The following ASIC2 variants were observed in gnomAD, a reference collection of about 807,000 sequenced individuals.
ASIC2 encodes acid-sensing ion channel 2.
ASIC2 carries 25 observed loss-of-function variants against 57.3 expected under a neutral mutation model. That is an observed-to-expected ratio of 0.44 (90% CI 0.32 to 0.61). The LOEUF (loss-of-function observed/expected upper bound fraction) is 0.61. ASIC2 is among the 20% of genes least tolerant of loss of function. The pLI, the probability that ASIC2 is intolerant of heterozygous loss-of-function variation, is 0.06. For missense variants in ASIC2, 641 were observed against 738.1 expected (o/e 0.87, Z 1.52); for synonymous variants, 319 against 307.5 (o/e 1.04, Z -0.39).
intron 7 of ASIC2, among the ~76,000 whole-genome samples, chr17:33,019,794 T>C (rs1035809550): frequency 2.0e-5 from 2 of 97,912 alleles, no homozygotes; most frequent in Non-Finnish European, 4.0e-5. Flanking sequence ...TTGCTCTGTA[T>C]GTCTCTCTCT....
At chr17:33,652,687 G>A (rs1001084141) in intron 1 of ASIC2, among the ~76,000 whole-genome samples, 1 of 152,170 alleles carries the variant, frequency 6.6e-6, no homozygotes, top group Non-Finnish European at 1.5e-5. Context: ...CCTCAACTCC[G>A]TTGCTGATCC....
In ASIC2 at chr17:33,145,933, C is replaced by T. The variant is rs373638338; in HGVS notation, c.709-33866G>A. Among the ~76,000 whole-genome samples the T allele has an allele frequency of 7.4e-4, 112 of 152,326 alleles. 4 individuals are homozygous for T. The East Asian group carries it at 8.1e-3, about 11-fold the overall frequency. On this transcript the variant is annotated intron_variant, in intron 1 of 9. Transcript: ENST00000225823. ...GCTTAGTGGAGCTCCCTCACCCTCCCGCCACAGCCGACCCAGAGACATGGC... is the reference window on the plus strand; with the variant it reads ...GCTTAGTGGAGCTCCCTCACCCTCCTGCCACAGCCGACCCAGAGACATGGC...
intron 9 of ASIC2, among the ~76,000 whole-genome samples, chr17:33,015,497 C>G (rs879877674): frequency 1.1e-4 from 16 of 152,178 alleles, no homozygotes; most frequent in African/African-American, 3.9e-4. Context: ...CTGACACGTA[C>G]CAGGCATACA....
chr17:33,584,339 C>T (rs1428905640), intron 1 of ASIC2, among the ~76,000 whole-genome samples: 2 of 152,130 alleles, frequency 1.3e-5, no homozygotes, highest in Non-Finnish European at 2.9e-5. Flanking sequence ...GAGTCTGAGT[C>T]TAGTTCTCTT....
chr17:33,940,548 T>TTTCCTTCC lies in ASIC2; in HGVS notation c.555+215422_555+215429dup, dbSNP rs919387904. On this transcript the variant is annotated intron_variant, in intron 1 of 9. Coordinates refer to the ASIC2 transcript ENST00000359872. ...CATCCATCCCTTCCTTCCTTCCTTC[T>TTTCCTTCC]TTCCTTCCTTCCTTCCTTCCTTACA... is the stretch of plus-strand genomic sequence containing the variant. 2.6e-5 allele frequency among the ~76,000 whole-genome samples: 4 copies of TTTCCTTCC among 151,872 alleles called. No individual in the cohort carries two copies. In the South Asian group the frequency reaches 6.2e-4, roughly 24 times the overall value.
intron 1 of ASIC2, among the ~76,000 whole-genome samples, chr17:34,134,962 G>T (rs1385090404): frequency 2.6e-5 from 4 of 152,146 alleles, no homozygotes; most frequent in Non-Finnish European, 1.5e-5. Context: ...CTTGAACTTT[G>T]GAATTCTAAT....
At chr17:33,925,580 C>T (rs540675485) in intron 1 of ASIC2, among the ~76,000 whole-genome samples, 2 of 152,340 alleles carry the variant, frequency 1.3e-5, no homozygotes, top group South Asian at 4.1e-4. Context: ...CTCAAAGCCC[C>T]ACTCCTACCT....
intron 1 of ASIC2, among the ~76,000 whole-genome samples, chr17:33,636,102 TAAC>T (rs1046148795): frequency 2.6e-5 from 4 of 152,230 alleles, no homozygotes; most frequent in Non-Finnish European, 5.9e-5. Context: ...TTGTAAAAAT[TAAC>T]AATGATGTGT....
At chr17:33,430,212 C>T (rs1204221498) in intron 1 of ASIC2, among the ~76,000 whole-genome samples, 6 of 152,150 alleles carry the variant, frequency 3.9e-5, no homozygotes, top group Non-Finnish European at 8.8e-5. Flanking sequence ...CTGACTCTCA[C>T]CTGGGCCTCA....
chr17:33,399,988 A>G (rs1388645777), intron 1 of ASIC2, among the ~76,000 whole-genome samples: 1 of 152,092 alleles, frequency 6.6e-6, no homozygotes, highest in Non-Finnish European at 1.5e-5. Context: ...GTAACAAAAT[A>G]AGCAGACCTG....
chr17:33,682,461 C>A (rs1420971767), intron 1 of ASIC2, among the ~76,000 whole-genome samples: 2 of 152,050 alleles, frequency 1.3e-5, no homozygotes, highest in Non-Finnish European at 2.9e-5. Flanking sequence ...AGAAGACCTG[C>A]GTGCGGCCTC....
chr17:33,072,118 T>A (rs1035292329), intron 3 of ASIC2, among the ~76,000 whole-genome samples: 2 of 152,152 alleles, frequency 1.3e-5, no homozygotes, highest in Non-Finnish European at 2.9e-5. Flanking sequence ...TCTGGACTCA[T>A]AGCTCTGTGT....
chr17:33,077,653 A>AGAGAATGATTACTGGGGGCTGTC (rs1348545069), intron 3 of ASIC2, among the ~76,000 whole-genome samples: 1 of 152,184 alleles, frequency 6.6e-6, no homozygotes, highest in African/African-American at 2.4e-5. Flanking sequence ...TTACTAGCCC[A>AGAGAATGATTACTGGGGGCTGTC]CAGAGAATGA....
intron 1 of ASIC2, among the ~76,000 whole-genome samples, chr17:33,595,702 C>G (rs1401946111): frequency 6.6e-6 from 1 of 152,208 alleles, no homozygotes; most frequent in African/African-American, 2.4e-5. Context: ...GTTTCTTCAT[C>G]TGTAAAAATG....
At position 33,139,254 on chromosome 17, in the gene ASIC2, C is replaced by T. The variant is rs114366891; in HGVS notation, c.709-27187G>A. Among the ~76,000 whole-genome samples the T allele has an allele frequency of 5.4e-3, 818 of 152,272 alleles. 4 individuals carry two copies. Among genetic ancestry groups the T allele is most frequent in the African/African-American group, 0.019 (777 of 41,554 alleles). ...ACTCTTTCCTGCCTACCTGTTATCT[C>T]TCTTGGACTTACCTCCCTAAACTCT... On this transcript the variant is annotated intron_variant, in intron 1 of 9. Transcript: ENST00000225823.
chr17:33,498,982 G>A lies in ASIC2; in HGVS notation c.556-386915C>T, dbSNP rs181502248. Among the ~76,000 whole-genome samples the A allele has an allele frequency of 3.9e-5, 6 of 152,344 alleles. No homozygotes were observed. In the East Asian group the frequency reaches 9.6e-4, roughly 24 times the overall value. On this transcript the variant is annotated intron_variant, in intron 1 of 9. Coordinates refer to the ASIC2 transcript ENST00000359872. ...ATCATAGAACTGTCTGGAAGACGAG[G>A]AGTTGGGGTGATGGGTGAAAGACAG...
intron 1 of ASIC2, among the ~76,000 whole-genome samples, chr17:33,467,943 T>C (rs1912919061): frequency 6.6e-6 from 1 of 152,204 alleles, no homozygotes; most frequent in African/African-American, 2.4e-5. Context: ...AGAATAAATC[T>C]CTTCAAATAT....
chr17:33,121,367 C>T (rs1387820743), intron 1 of ASIC2, among the ~76,000 whole-genome samples: 1 of 152,212 alleles, frequency 6.6e-6, no homozygotes, highest in Non-Finnish European at 1.5e-5. Flanking sequence ...CAGACAGGTA[C>T]TGGGTGGTGC....
intron 1 of ASIC2, among the ~76,000 whole-genome samples, chr17:34,095,242 C>T (rs762182707): frequency 7.9e-5 from 12 of 152,072 alleles, no homozygotes; most frequent in African/African-American, 1.7e-4. Context: ...AGCTCTGGAG[C>T]CCCAGGTGGG....
Sources: gnomAD v4.1 joint callset for allele counts (sites outside exome capture counted in the v4.1 genomes callset) on GRCh38, gnomAD v4.1.1 for gene constraint, MANE v1.5 for transcripts, NCBI Gene and HGNC (gene_info 2026-07-23, HGNC 2026-07-21) for gene names.